LMO7: variants seen among roughly 807,000 people sequenced by gnomAD.
LMO7 encodes LIM domain only protein 7.
In LMO7, 120 loss-of-function variants were observed where a neutral mutation model predicts 206.5. The observed-to-expected ratio is 0.58, with a 90% CI of 0.50 to 0.68. LMO7 has a LOEUF of 0.68. Ranked by LOEUF, LMO7 falls within the 30% of genes least tolerant of loss-of-function variation. The pLI is 0.00. For missense variants in LMO7, 1,959 were observed against 1,957.9 expected, an observed-to-expected ratio of 1.00 and a Z score of -0.01; for synonymous variants, 706 against 681.5, an observed-to-expected ratio of 1.04 and a Z score of -0.56.
intron 1 of LMO7, among the ~76,000 whole-genome samples, chr13:75,689,790 A>C (rs2041307897): frequency 6.6e-6 from 1 of 152,168 alleles, no homozygotes; most frequent in African/African-American, 2.4e-5. Context: ...TCAGCCACAG[A>C]CTGGAGATTG....
chr13:75,778,496 T>G (rs1039549741), intron 4 of LMO7, among the ~76,000 whole-genome samples: 53 of 152,202 alleles, frequency 3.5e-4, no homozygotes, highest in Admixed American at 2.9e-3. Flanking sequence ...CCTCCCAAAA[T>G]GCTGGGATTA....
In LMO7 at chr13:75,833,051, G is replaced by T; in HGVS notation, c.2950G>T (p.Asp984Tyr). ...SPQREVSRSQ[D>Y]QFSDMRISIN... ...CCAGCGTTTCATGTTTTGTTTTCAG[G>T]ATCAGTTCAGTGATATGAGAATCAG... The change falls in exon 16 of 31, where the codon GAT becomes TAT. Residue 984 changes from aspartate (D) to tyrosine (Y), a missense_variant and splice_region_variant. Coordinates refer to ENST00000377534, the MANE Select transcript of LMO7 (RefSeq NM_001306080.2). 1 of 1,577,552 alleles carries T rather than the reference G, an allele frequency of 6.3e-7. No individual in the cohort carries two copies. Among genetic ancestry groups the T allele is most frequent in the East Asian group, 2.2e-5 (1 of 44,620 alleles).
chr13:75,776,708 C>T (rs2140196971), intron 4 of LMO7, among the ~76,000 whole-genome samples: 1 of 152,260 alleles, frequency 6.6e-6, no homozygotes, highest in East Asian at 1.9e-4. Context: ...TACATGGGAA[C>T]ATCTAATATT....
intron 16 of LMO7, among the ~76,000 whole-genome samples, chr13:75,833,981 T>C (rs756313705): frequency 2.0e-5 from 3 of 152,160 alleles, no homozygotes; most frequent in Admixed American, 2.0e-4. Flanking sequence ...AGAAGTCTTA[T>C]TGAATAGATG....
intron 4 of LMO7, among the ~76,000 whole-genome samples, chr13:75,781,992 A>G (rs1019811679): frequency 8.6e-5 from 13 of 151,864 alleles, no homozygotes; most frequent in Admixed American, 8.5e-4. Context: ...TTTTCTTGTA[A>G]ATTTGTTTGA....
rs1382588510 is a variant in LMO7, at chr13:75,795,424, T to G, written c.341T>G (p.Val114Gly). 2 of 1,590,522 alleles carry G rather than the reference T, an allele frequency of 1.3e-6. No individual in the cohort carries two copies. The highest frequency in any genetic ancestry group is 1.3e-5 in the African/African-American group (1 of 74,100). Residue 114 changes from valine (V) to glycine (G), a missense_variant, in exon 5 of 31, where the codon GTG (valine) becomes GGG (glycine). Val to Gly is a moderately radical substitution (Grantham distance 109). Transcript: ENST00000377534. ...AGGCAAGAAGAGACTGACAGGAGAG[T>G]GAAAAATGTAAGATACATTTACCTT... ...TVKQEETDRR[V>G]KNVLITLYWL... is the part of the protein sequence containing the mutation.
rs1173235089 is a variant in LMO7 at position 75,823,695 on chromosome 13, T to C, written c.2771T>C (p.Val924Ala). 1 of 1,613,884 alleles carries C rather than the reference T, an allele frequency of 6.2e-7. No homozygotes were observed. Among genetic ancestry groups the C allele is most frequent in the Non-Finnish European group, 8.5e-7 (1 of 1,179,994 alleles). ...TCAAGCTTATCTAGCCAGAAAGAGGTAGCAGCAACAGAAGAAGATGTGACA... is the reference window on the plus strand; with the variant it reads ...TCAAGCTTATCTAGCCAGAAAGAGGCAGCAGCAACAGAAGAAGATGTGACA... The part of the protein sequence containing the change: ...LASSLSSQKE[V>A]AATEEDVTRL... The change falls in exon 15 of 31, where the codon GTA (valine) becomes GCA (alanine). Residue 924 changes from valine to alanine, a missense_variant. Coordinates refer to ENST00000377534, the MANE Select transcript of LMO7 (RefSeq NM_001306080.2).
chr13:75,733,100 C>G (rs2045429857), intron 3 of LMO7, among the ~76,000 whole-genome samples: 1 of 152,234 alleles, frequency 6.6e-6, no homozygotes, highest in Non-Finnish European at 1.5e-5. Flanking sequence ...AGGAGGCAGT[C>G]TCCCCGTTCT....
chr13:75,637,898 T>C (rs375846821), intron 1 of LMO7, among the ~76,000 whole-genome samples: 10 of 152,296 alleles, frequency 6.6e-5, no homozygotes, highest in Middle Eastern at 3.4e-3. Flanking sequence ...AACTTTGAGC[T>C]GGTCTGAAGG....
chr13:75,830,234 T>C (rs1172503381), intron 15 of LMO7, among the ~76,000 whole-genome samples: 1 of 152,192 alleles, frequency 6.6e-6, no homozygotes, highest in African/African-American at 2.4e-5. Flanking sequence ...GTTTCAGGAA[T>C]AATTTACTGT....
Position 75,713,189 on chromosome 13 carries a change from C to A in LMO7, c.77C>A (p.Thr26Lys), listed in dbSNP as rs796774332. The A allele has an allele frequency of 2.2e-5, 36 of 1,611,790 alleles. No homozygotes were observed. In the Admixed American group the frequency reaches 6.0e-4, roughly 27 times the overall value. The change falls in exon 2 of 31, where the codon ACA becomes AAA. Residue 26 changes from threonine to lysine, a missense_variant. Transcript: ENST00000377534. ...ACCAAACCTATCTTTCAGGCAGTAACAGAGAAGAATTTTGAAACAAAAGAT... is the reference window on the plus strand; with the variant it reads ...ACCAAACCTATCTTTCAGGCAGTAAAAGAGAAGAATTTTGAAACAAAAGAT... ...AEAQRWVEAV[T>K]EKNFETKDFR...
At chr13:75,749,377 A>G (rs1255952841) in intron 3 of LMO7, among the ~76,000 whole-genome samples, 3 of 152,204 alleles carry the variant, frequency 2.0e-5, no homozygotes, top group African/African-American at 4.8e-5. Flanking sequence ...TTAAGCATCT[A>G]TTTCAGCACT....
intron 2 of LMO7, among the ~76,000 whole-genome samples, chr13:75,626,595 A>ATATTTTTTTTTTTT: frequency 1.4e-5 from 1 of 71,100 alleles, no homozygotes; most frequent in African/African-American, 3.6e-5. Flanking sequence ...ATATATATAA[A>ATATTTTTTTTTTTT]TTTTTTTGAG....
chr13:75,693,662 C>T (rs1451454117), intron 1 of LMO7, among the ~76,000 whole-genome samples: 1 of 152,216 alleles, frequency 6.6e-6, no homozygotes. Flanking sequence ...CCTGTCAAGG[C>T]ATTTGTTAGG....
At chr13:75,701,870 G>C (rs1205364393) in intron 1 of LMO7, among the ~76,000 whole-genome samples, 4 of 152,136 alleles carry the variant, frequency 2.6e-5, no homozygotes, top group Non-Finnish European at 5.9e-5. Context: ...TAGGACTCAG[G>C]TTGTCTTGGA....
chr13:75,843,427 G>C (rs1288439642), intron 25 of LMO7, among the ~76,000 whole-genome samples: 1 of 152,192 alleles, frequency 6.6e-6, no homozygotes, highest in Non-Finnish European at 1.5e-5. Context: ...CCTCTTTATG[G>C]TAGGAATCAC....
In LMO7 at chr13:75,858,147, G is replaced by T; in HGVS notation, c.*204G>T. On this transcript the variant is annotated 3_prime_UTR_variant, in exon 31 of 31. Transcript: ENST00000377534. The stretch of plus-strand genomic sequence containing the variant: ...TTGTTTATTTATAAGGTAATTGTGT[G>T]TGGGGAAAAGTGCAGTATTTACCTG... The T allele has an allele frequency of 2.1e-6, 1 of 469,028 alleles. No homozygotes were observed. Among genetic ancestry groups the T allele is most frequent in the Non-Finnish European group, 3.7e-6 (1 of 268,928 alleles). The allele number at this position is 469,028 out of a possible 1,614,324, so 29.1% of individuals were successfully genotyped here.
intron 28 of LMO7, 138 bp downstream of exon 28, chr13:75,853,526 A>G (rs7993408): frequency 0.083 from 60,818 of 730,832 alleles, 3,394 homozygotes; most frequent in African/African-American, 0.22. Context: ...GTATTCTAGT[A>G]TGAAATCAAT....
intron 27 of LMO7, among the ~76,000 whole-genome samples, chr13:75,850,985 T>G (rs1489731506): frequency 6.6e-6 from 1 of 152,128 alleles, no homozygotes; most frequent in Non-Finnish European, 1.5e-5. Context: ...CTCCACATAG[T>G]TTTTTGGGCT....
Sources: gnomAD v4.1 joint callset for allele counts (sites outside exome capture counted in the v4.1 genomes callset) on GRCh38, gnomAD v4.1.1 for gene constraint, MANE v1.5 for transcripts, NCBI Gene and HGNC (gene_info 2026-07-23, HGNC 2026-07-21) for gene names.